HPSE2: variants seen among roughly 807,000 people sequenced by gnomAD.
The protein encoded by HPSE2 is heparanase 2 (inactive).
Under a neutral mutation model 60.5 loss-of-function variants are expected in HPSE2, and 38 were observed. That is an observed-to-expected ratio of 0.63 (90% CI 0.48 to 0.82). The LOEUF (loss-of-function observed/expected upper bound fraction) is 0.82, where lower values mean the gene tolerates loss of function less well. Ranked by LOEUF, HPSE2 falls within the 40% of genes least tolerant of loss-of-function variation. HPSE2 has a pLI of 0.00. For synonymous variants in HPSE2, 295 were observed against 293.2 expected (o/e 1.01, Z -0.06); for missense variants, 713 against 740.4 (o/e 0.96, Z 0.43).
the HPSE2 span, among the ~76,000 whole-genome samples, chr10:99,260,358 ACT>A: frequency 2.2e-4 from 34 of 151,840 alleles, no homozygotes; most frequent in African/African-American, 8.0e-4. Flanking sequence ...GGATAGGAGG[ACT>A]CTTTCGGGAG....
intron 6 of HPSE2, among the ~76,000 whole-genome samples, chr10:98,645,794 T>C (rs922649732): frequency 4.6e-5 from 7 of 151,778 alleles, no homozygotes; most frequent in African/African-American, 1.5e-4. Flanking sequence ...CTGGCTAACA[T>C]GGTGAAACCC....
rs772538576 is a variant in HPSE2 at position 98,614,958 on chromosome 10, T to C, written c.1266A>G (p.Ser422=). 1.2e-6 allele frequency: 2 copies of C among 1,614,112 alleles called. No homozygotes were observed. The highest frequency in any genetic ancestry group is 4.5e-5 in the East Asian group (2 of 44,870). The part of the protein sequence containing the change: ...NQGIDVVIRH[S]FFDHGYNHLV... ...GGTGATTGTATCCATGGTCAAAAAATGAGTGCCGTATCACGACATCAATGC... is the reference window on the plus strand; with the variant it reads ...GGTGATTGTATCCATGGTCAAAAAACGAGTGCCGTATCACGACATCAATGC... Residue 422 remains serine (S), a synonymous_variant, in exon 9 of 12, where the codon TCA becomes TCG. Transcript: ENST00000370552.
chr10:98,684,429 G>C (rs1434870793), intron 6 of HPSE2, among the ~76,000 whole-genome samples: 1 of 151,318 alleles, frequency 6.6e-6, no homozygotes, highest in Non-Finnish European at 1.5e-5. Flanking sequence ...AATAGAGATA[G>C]TTAATAAATA....
intron 3 of HPSE2, among the ~76,000 whole-genome samples, chr10:98,926,975 C>T (rs1244426726): frequency 1.3e-5 from 2 of 152,180 alleles, no homozygotes; most frequent in East Asian, 1.9e-4. Flanking sequence ...GTCTGAGAGA[C>T]AGTTTGTTAT....
intron 9 of HPSE2, among the ~76,000 whole-genome samples, chr10:98,496,375 G>T (rs149040722): frequency 1.2e-3 from 185 of 152,276 alleles, no homozygotes; most frequent in African/African-American, 4.2e-3. Context: ...ATGGAGAGAG[G>T]TGCAACAACA....
At chr10:98,737,709 T>G (rs555010994) in intron 4 of HPSE2, among the ~76,000 whole-genome samples, 3 of 152,176 alleles carry the variant, frequency 2.0e-5, no homozygotes, top group African/African-American at 7.2e-5. Context: ...AAATCATGAG[T>G]AAACTCCCAT....
chr10:99,080,384 G>A (rs1000838967), intron 3 of HPSE2, among the ~76,000 whole-genome samples: 3 of 152,102 alleles, frequency 2.0e-5, no homozygotes, highest in Non-Finnish European at 4.4e-5. Flanking sequence ...TGGCATGTGG[G>A]GGAAATGGCT....
intron 2 of HPSE2, among the ~76,000 whole-genome samples, chr10:99,168,111 C>T (rs922611430): frequency 1.3e-5 from 2 of 151,444 alleles, no homozygotes; most frequent in Non-Finnish European, 2.9e-5. Flanking sequence ...CACACACACA[C>T]ACACACACAC....
At chr10:98,526,803 C>T (rs1270678415) in intron 9 of HPSE2, among the ~76,000 whole-genome samples, 2 of 152,104 alleles carry the variant, frequency 1.3e-5, no homozygotes, top group Non-Finnish European at 2.9e-5. Flanking sequence ...GACCAGGGCT[C>T]ACTGGGGTTG....
At chr10:99,055,089 A>G (rs1232483590) in intron 3 of HPSE2, among the ~76,000 whole-genome samples, 1 of 152,236 alleles carries the variant, frequency 6.6e-6, no homozygotes, top group Non-Finnish European at 1.5e-5. Flanking sequence ...TATACCAGCT[A>G]TATATGGAAA....
intron 3 of HPSE2, among the ~76,000 whole-genome samples, chr10:98,952,013 A>G (rs1955369968): frequency 6.6e-6 from 1 of 152,198 alleles, no homozygotes; most frequent in Admixed American, 6.5e-5. Flanking sequence ...CAGGTAGCTG[A>G]TTCCAAAGCC....
At chr10:99,085,768 C>T (rs1026569940) in intron 3 of HPSE2, among the ~76,000 whole-genome samples, 1 of 152,144 alleles carries the variant, frequency 6.6e-6, no homozygotes, top group African/African-American at 2.4e-5. Context: ...AGGGCAAAAG[C>T]CGAATTCCTC....
intron 3 of HPSE2, among the ~76,000 whole-genome samples, chr10:99,021,422 C>T (rs573131447): frequency 2.0e-5 from 3 of 152,128 alleles, no homozygotes; most frequent in East Asian, 1.9e-4. Context: ...AGACCAGAGC[C>T]GGGATTTAAA....
intron 5 of HPSE2, among the ~76,000 whole-genome samples, chr10:98,720,870 T>C (rs1948905186): frequency 1.3e-5 from 2 of 152,166 alleles, no homozygotes; most frequent in Admixed American, 1.3e-4. Flanking sequence ...GCACTCAAAA[T>C]GATGCATATA....
intron 7 of HPSE2, among the ~76,000 whole-genome samples, chr10:98,624,343 A>G (rs543289): frequency 0.31 from 46,952 of 151,992 alleles, 7,920 homozygotes; most frequent in African/African-American, 0.44. Context: ...CTGAGTGAAG[A>G]AGCCAGCCTC....
At chr10:98,695,604 G>C (rs930904042) in intron 5 of HPSE2, among the ~76,000 whole-genome samples, 4 of 152,164 alleles carry the variant, frequency 2.6e-5, no homozygotes, top group Non-Finnish European at 5.9e-5. Flanking sequence ...CTATTGCCTA[G>C]AGAAGTACAT....
chr10:98,933,081 G>A lies in HPSE2; in HGVS notation c.611-189025C>T, dbSNP rs748792022. Among the ~76,000 whole-genome samples the A allele has an allele frequency of 9.0e-5, 13 of 143,910 alleles. 2 individuals are homozygous for A. The highest frequency in any genetic ancestry group is 6.6e-3 in the Middle Eastern group (2 of 302). 94.4% of individuals were successfully genotyped at this position (143,910 alleles called of 152,430 possible). ...AAGGTGTTGATTTGAGATCTTTCTA[G>A]CTTTTTGATGTGAGTATTTAGTACT... On this transcript the variant is annotated intron_variant, in intron 3 of 11. Transcript: ENST00000370552.
intron 8 of HPSE2, among the ~76,000 whole-genome samples, chr10:98,618,133 C>T (rs1945970795): frequency 6.6e-6 from 1 of 152,004 alleles, no homozygotes; most frequent in Non-Finnish European, 1.5e-5. Flanking sequence ...GGAGTTGAGA[C>T]CAAATGGGTG....
intron 9 of HPSE2, among the ~76,000 whole-genome samples, chr10:98,525,523 G>C (rs76608474): frequency 0.04 from 6,132 of 152,288 alleles, 395 homozygotes; most frequent in African/African-American, 0.14. Flanking sequence ...GTGGCTTTTT[G>C]ACAATGAAAG....
Sources: allele counts gnomAD v4.1 joint callset (sites outside exome capture counted in the v4.1 genomes callset), GRCh38; gene constraint gnomAD v4.1.1; transcripts MANE v1.5; gene names NCBI Gene and HGNC (gene_info 2026-07-23, HGNC 2026-07-21).